Variants in RPN1 observed in about 807,000 individuals in gnomAD.
The protein encoded by RPN1 is dolichyl-diphosphooligosaccharide--protein glycosyltransferase subunit 1.
A neutral mutation model predicts 55.5 loss-of-function variants in RPN1; 12 were observed. The observed-to-expected ratio is 0.22, with a 90% CI of 0.14 to 0.35. RPN1 has a LOEUF of 0.35. Ranked by LOEUF, RPN1 falls within the 10% of genes least tolerant of loss-of-function variation. The pLI, the probability that RPN1 is intolerant of heterozygous loss-of-function variation, is 1.00. For synonymous variants in RPN1, 317 were observed against 305.9 expected (o/e 1.04, Z -0.38); for missense variants, 679 against 761.3 (o/e 0.89, Z 1.27).
At chr3:128,644,795 C>CAA (rs146448705) in intron 2 of RPN1, 124 bp downstream of exon 2, 75 of 547,460 alleles carry the variant, frequency 1.4e-4, no homozygotes, top group African/African-American at 4.7e-4. Context: ...CTCCTCTCTA[C>CAA]AAAAAAAAAA....
chr3:128,644,860 T>G, intron 2 of RPN1, 59 bp downstream of exon 2: 2 of 975,924 alleles, frequency 2.0e-6, no homozygotes, highest in Non-Finnish European at 3.3e-6. Flanking sequence ...TGATCCCATA[T>G]GATCCCAACC....
intron 2 of RPN1, chr3:128,644,587 G>A: frequency 2.0e-6 from 1 of 501,162 alleles, no homozygotes; most frequent in Non-Finnish European, 3.9e-6. Flanking sequence ...TTGAGCCCTG[G>A]AGGTGGAGGT....
chr3:128,623,896 AC>A (rs1259495748), intron 8 of RPN1, among the ~76,000 whole-genome samples: 2 of 152,098 alleles, frequency 1.3e-5, no homozygotes, highest in African/African-American at 4.8e-5. Context: ...GTAAGAGAAT[AC>A]CCTTGCTCTC....
chr3:128,628,020 G>T (rs948382601), intron 5 of RPN1, among the ~76,000 whole-genome samples: 1 of 6,292 alleles, frequency 1.6e-4, no homozygotes, highest in African/African-American at 5.9e-4. Flanking sequence ...CACTTTGGAA[G>T]GCTGAGGTGG....
intron 2 of RPN1, among the ~76,000 whole-genome samples, chr3:128,644,212 G>C (rs1007180444): frequency 4.6e-5 from 7 of 152,308 alleles, no homozygotes; most frequent in Admixed American, 2.6e-4. Context: ...AGGGAGAACT[G>C]ATCTGATATA....
At position 128,626,844 on chromosome 3, in the gene RPN1, A is replaced by G. The variant is rs1366807466; in HGVS notation, c.1037-12T>C. ...TGCATACTGGTCACCTGAAGGATCA[A>G]GCAAGCATAAGCAATGATGTGGAAA... On this transcript the variant is annotated splice_polypyrimidine_tract_variant and intron_variant, in intron 5 of 9. Coordinates refer to ENST00000296255, the MANE Select transcript of RPN1 (RefSeq NM_002950.4). The G allele has an allele frequency of 4.4e-6, 7 of 1,609,004 alleles. No homozygotes were observed. The African/African-American group carries it at 8.0e-5, about 18-fold the overall frequency.
At chr3:128,644,153 G>A (rs2107721615) in intron 2 of RPN1, among the ~76,000 whole-genome samples, 1 of 152,322 alleles carries the variant, frequency 6.6e-6, no homozygotes, top group South Asian at 2.1e-4. Flanking sequence ...GAGAATACTT[G>A]CTGAGGCAAA....
At chr3:128,649,558 T>C (rs1364077313) in intron 1 of RPN1, among the ~76,000 whole-genome samples, 1 of 152,226 alleles carries the variant, frequency 6.6e-6, no homozygotes, top group Non-Finnish European at 1.5e-5. Flanking sequence ...GAGAACGAAG[T>C]GTGCTTAGAA....
intron 2 of RPN1, chr3:128,641,164 GGTT>G (rs2069721936): frequency 6.6e-6 from 1 of 151,584 alleles, no homozygotes; most frequent in South Asian, 2.1e-4. Flanking sequence ...TGAATGACTT[GGTT>G]TTTTACTCAT....
chr3:128,628,314 T>G (rs1304746767), intron 5 of RPN1, among the ~76,000 whole-genome samples: 1 of 151,012 alleles, frequency 6.6e-6, no homozygotes, highest in Non-Finnish European at 1.5e-5. Flanking sequence ...AAAGAAAAAT[T>G]CAGAAAAATG....
In RPN1 at chr3:128,622,212, T is replaced by G; in HGVS notation, c.1593A>C (p.Ala531=). The change falls in exon 9 of 10, where the codon GCA becomes GCC. Residue 531 remains alanine, a synonymous_variant. Transcript: ENST00000296255. ...TEHKALTSEI[A]LLQSRLKTEG... is the part of the protein sequence containing the mutation. The stretch of plus-strand genomic sequence containing the variant: ...CTGTCTTCAGCCTGGACTGCAGCAG[T>G]GCAATCTCACTGGTCAAGGCCTTGT... 1 of 1,614,178 alleles carries G rather than the reference T, an allele frequency of 6.2e-7. No individual in the cohort carries two copies.
Position 128,637,852 on chromosome 3 carries a change from A to T in RPN1, c.580T>A (p.Ser194Thr). Residue 194 changes from serine to threonine, a missense_variant, in exon 3 of 10, where the codon TCT becomes ACT. This residue lies in a region of RPN1 where 352 missense variants were observed against 352.8 expected (regional missense o/e 1.00). Transcript: ENST00000296255. ...SYTKLGNPTR[S>T]EDLLDYGPFR... Reference sequence around the variant, plus strand: ...GGCCCATAATCCAGTAGGTCCTCAGAGCGCGTGGGGTTCCCCAGCTTGGTG... The same window carrying T: ...GGCCCATAATCCAGTAGGTCCTCAGTGCGCGTGGGGTTCCCCAGCTTGGTG... The T allele has an allele frequency of 6.2e-7, 1 of 1,613,914 alleles. No individual in the cohort carries two copies. The highest frequency in any genetic ancestry group is 1.3e-5 in the African/African-American group (1 of 75,036).
At chr3:128,635,388 C>G (rs774476989) in intron 3 of RPN1, among the ~76,000 whole-genome samples, 2 of 151,446 alleles carry the variant, frequency 1.3e-5, no homozygotes, top group African/African-American at 4.9e-5. Context: ...GCAACCCCTA[C>G]CTCCTGGGTT....
At chr3:128,642,185 T>G (rs927499822) in intron 2 of RPN1, 1 of 152,168 alleles carries the variant, frequency 6.6e-6, no homozygotes, top group African/African-American at 2.4e-5. Flanking sequence ...AATAGCGACT[T>G]ATTTAAAGCT....
chr3:128,647,155 G>C (rs573914661), intron 1 of RPN1, among the ~76,000 whole-genome samples: 66 of 152,158 alleles, frequency 4.3e-4, no homozygotes, highest in African/African-American at 1.5e-3. Flanking sequence ...GGAGCAGACT[G>C]CAAGGGAGAA....
At chr3:128,646,926 T>C (rs1286923517) in intron 1 of RPN1, among the ~76,000 whole-genome samples, 3 of 140,798 alleles carry the variant, frequency 2.1e-5, no homozygotes, top group African/African-American at 8.1e-5. Context: ...TGAGCTGAGA[T>C]CGTGCCACTG....
rs542182342 is a variant in RPN1 at position 128,649,941 on chromosome 3, G to C, written c.261+599C>G. On this transcript the variant is annotated intron_variant, in intron 1 of 9. Transcript: ENST00000296255. ...TGCATCACATTCATAGGGATTTCAA[G>C]TGATTACCAACTTAAAAATGCGAAA... 7.2e-5 allele frequency among the ~76,000 whole-genome samples: 11 copies of C among 152,358 alleles called. No homozygotes were observed. The East Asian group carries it at 2.1e-3, about 29-fold the overall frequency.
intron 8 of RPN1, 106 bp downstream of exon 8, chr3:128,625,428 T>C (rs1194935827): frequency 1.3e-6 from 2 of 1,556,430 alleles, no homozygotes; most frequent in East Asian, 2.3e-5. Flanking sequence ...CAGGGGTCTT[T>C]TGGCCATGGC....
At chr3:128,635,620 TATATATATATATATATATAG>T (rs1231987656) in intron 3 of RPN1, among the ~76,000 whole-genome samples, 688 of 27,498 alleles carry the variant, frequency 0.025, 4 homozygotes, top group Non-Finnish European at 0.035. Flanking sequence ...GAGATATATA[TATATATATATATATATATAG>T]ATATATATAT....
Sources: gnomAD v4.1 joint callset for allele counts (sites outside exome capture counted in the v4.1 genomes callset) on GRCh38, gnomAD v4.1.1 for gene constraint, gnomAD v4.1.1 regional missense constraint, MANE v1.5 for transcripts, NCBI Gene and HGNC (gene_info 2026-07-23, HGNC 2026-07-21) for gene names.